OR9Q1: variants seen among roughly 807,000 people sequenced by gnomAD.
The protein encoded by OR9Q1 is olfactory receptor 9Q1.
For synonymous variants in OR9Q1, 153 were observed against 148.6 expected (o/e 1.03, Z -0.22); for missense variants, 374 against 378.8 (o/e 0.99, Z 0.11).
In OR9Q1 at chr11:58,109,626, G is replaced by A. The variant is rs145212682; in HGVS notation, c.-15+53679G>A. 2.7e-3 allele frequency: 1,250 copies of A among 456,910 alleles called. 20 individuals are homozygous for A. The highest frequency in any genetic ancestry group is 2.0e-3 in the Non-Finnish European group (452 of 226,902). 28.3% of individuals were successfully genotyped at this position (456,910 alleles called of 1,614,324 possible). A position where few individuals can be genotyped will look rare whatever the true frequency, so the allele number is the denominator to read the frequency against. ...GGTGATCTGTGAAGACTACAAGAAT[G>A]AACTCTGTCACAGTGCTGAGATTTC... On this transcript the variant is annotated intron_variant, in intron 2 of 2. Transcript: ENST00000335397.
At chr11:58,044,130 T>C (rs1396540999) in intron 1 of OR9Q1, 1 of 152,226 alleles carries the variant, frequency 6.6e-6, no homozygotes, top group Admixed American at 6.5e-5. Context: ...AAAGAATGAA[T>C]TTAATAGCCT....
At chr11:58,119,250 G>T in intron 2 of OR9Q1, 1 of 1,614,032 alleles carries the variant, frequency 6.2e-7, no homozygotes, top group Non-Finnish European at 8.5e-7. Flanking sequence ...GCAGGGAGAG[G>T]TGGCTCAGGA....
intron 2 of OR9Q1, among the ~76,000 whole-genome samples, chr11:58,155,561 C>T (rs1854400304): frequency 6.6e-6 from 1 of 152,192 alleles, no homozygotes; most frequent in Non-Finnish European, 1.5e-5. Flanking sequence ...CCTGGCCCTG[C>T]TTTCCATGAA....
chr11:58,044,783 A>T (rs1048992248), intron 1 of OR9Q1: 1 of 152,196 alleles, frequency 6.6e-6, no homozygotes, highest in Admixed American at 6.5e-5. Flanking sequence ...AGACATCTTG[A>T]TGGTTGGAAT....
chr11:58,163,701 C>T (rs1361529419), intron 2 of OR9Q1, among the ~76,000 whole-genome samples: 1 of 152,174 alleles, frequency 6.6e-6, no homozygotes, highest in Non-Finnish European at 1.5e-5. Context: ...TGGGCCTTGC[C>T]TTTTCCTAGG....
chr11:58,176,703 T>C (rs1854610173), intron 2 of OR9Q1, among the ~76,000 whole-genome samples: 1 of 152,158 alleles, frequency 6.6e-6, no homozygotes, highest in African/African-American at 2.4e-5. Flanking sequence ...AAGTTATTAT[T>C]GTCCCCATAT....
At chr11:58,150,399 A>G (rs570785659) in intron 2 of OR9Q1, among the ~76,000 whole-genome samples, 85 of 152,282 alleles carry the variant, frequency 5.6e-4, no homozygotes, top group Non-Finnish European at 9.9e-4. Flanking sequence ...GGCCTCCCCA[A>G]CCACTGGGCA....
intron 2 of OR9Q1, among the ~76,000 whole-genome samples, chr11:58,083,312 A>T (rs1398889146): frequency 2.0e-5 from 3 of 151,528 alleles, no homozygotes; most frequent in Admixed American, 1.3e-4. Context: ...TTTTTTAATG[A>T]GGTTATTTGT....
At chr11:58,105,080 A>AT (rs5792080) in intron 2 of OR9Q1, among the ~76,000 whole-genome samples, 7,508 of 149,212 alleles carry the variant, frequency 0.05, 474 homozygotes, top group African/African-American at 0.15. Context: ...GAGAAGGTAG[A>AT]TTTTTTTTTT....
intron 2 of OR9Q1, chr11:58,117,863 C>A (rs1853973392): frequency 6.6e-6 from 1 of 152,030 alleles, no homozygotes; most frequent in Non-Finnish European, 1.5e-5. Flanking sequence ...CAGTAAGGTA[C>A]CAAGTGATAA....
At chr11:58,176,034 G>A (rs1321445397) in intron 2 of OR9Q1, among the ~76,000 whole-genome samples, 1 of 152,082 alleles carries the variant, frequency 6.6e-6, no homozygotes, top group Non-Finnish European at 1.5e-5. Context: ...AGATTTTAAT[G>A]AGGCACTTGA....
chr11:58,090,059 G>A (rs997728194), intron 2 of OR9Q1, among the ~76,000 whole-genome samples: 4 of 152,132 alleles, frequency 2.6e-5, no homozygotes, highest in African/African-American at 9.7e-5. Context: ...GAGATCATGG[G>A]ATTTTCTAAA....
chr11:58,125,244 C>G (rs888993688), intron 2 of OR9Q1: 2 of 122,016 alleles, frequency 1.6e-5, no homozygotes, highest in Non-Finnish European at 3.4e-5. Context: ...CCACCGCCCC[C>G]CCCCCAAAAA....
At chr11:58,031,934 G>A in intron 1 of OR9Q1, 1 of 1,349,900 alleles carries the variant, frequency 7.4e-7, no homozygotes, top group Non-Finnish European at 1.0e-6. Context: ...CAGTTTCCTT[G>A]CCTTGGATAT....
At chr11:58,173,033 T>C (rs1854569668) in intron 2 of OR9Q1, among the ~76,000 whole-genome samples, 1 of 152,110 alleles carries the variant, frequency 6.6e-6, no homozygotes, top group African/African-American at 2.4e-5. Flanking sequence ...AAATTACTGG[T>C]TGGAAGGGAC....
chr11:58,035,271 AAAAAC>A (rs1853090429), intron 1 of OR9Q1, among the ~76,000 whole-genome samples: 1 of 152,198 alleles, frequency 6.6e-6, no homozygotes, highest in Non-Finnish European at 1.5e-5. Context: ...GAAAAAGAAA[AAAAAC>A]AAATTGTGGT....
chr11:58,124,702 A>G (rs1590604123), intron 2 of OR9Q1: 1 of 152,312 alleles, frequency 6.6e-6, no homozygotes, highest in East Asian at 1.9e-4. Flanking sequence ...GAAGGTTTAG[A>G]GACATTAGAT....
At chr11:58,139,264 C>G (rs1214015200) in intron 2 of OR9Q1, among the ~76,000 whole-genome samples, 2 of 146,960 alleles carry the variant, frequency 1.4e-5, no homozygotes, top group Admixed American at 1.4e-4. Flanking sequence ...ATTTTAAGTT[C>G]AGGTGTTCAT....
chr11:58,067,271 C>G (rs934704891), intron 2 of OR9Q1, among the ~76,000 whole-genome samples: 1 of 152,068 alleles, frequency 6.6e-6, no homozygotes, highest in Admixed American at 6.5e-5. Context: ...CTCCTGACCC[C>G]ATGATCCGCC....
Sources: allele counts gnomAD v4.1 joint callset (sites outside exome capture counted in the v4.1 genomes callset), GRCh38; gene constraint gnomAD v4.1.1; transcripts MANE v1.5; gene names NCBI Gene and HGNC (gene_info 2026-07-23, HGNC 2026-07-21).